Variants in ERAP1 observed in about 807,000 individuals in gnomAD.
The protein encoded by ERAP1 is endoplasmic reticulum aminopeptidase 1, also known as adipocyte-derived leucine aminopeptidase.
ERAP1 carries 86 observed loss-of-function variants against 103.7 expected under a neutral mutation model. The ratio of observed to expected loss-of-function variants is 0.83; its 90% CI spans 0.70 to 0.99. ERAP1 has a LOEUF of 0.99. Ranked by LOEUF, ERAP1 falls within the 50% of genes least tolerant of loss-of-function variation. ERAP1 has a pLI of 0.00. For synonymous variants in ERAP1, 398 were observed against 402.4 expected, an observed-to-expected ratio of 0.99 and a Z score of 0.13; for missense variants, 1,009 against 1,128.4, an observed-to-expected ratio of 0.89 and a Z score of 1.52.
the ERAP1 span, among the ~76,000 whole-genome samples, chr5:96,878,294 T>C: frequency 6.6e-6 from 1 of 152,210 alleles, no homozygotes; most frequent in Middle Eastern, 3.4e-3. Flanking sequence ...ATATTGAAAA[T>C]AAACTGGGGA....
the ERAP1 span, among the ~76,000 whole-genome samples, chr5:96,857,161 G>A: frequency 0.049 from 7,407 of 152,248 alleles, 218 homozygotes; most frequent in South Asian, 0.11. Flanking sequence ...CAGGCTAACT[G>A]CTTCTCATCT....
chr5:96,885,283 C>G, the ERAP1 span, among the ~76,000 whole-genome samples: 1 of 152,168 alleles, frequency 6.6e-6, no homozygotes, highest in Non-Finnish European at 1.5e-5. Context: ...TACCCCAGCT[C>G]TCAGCCCCTA....
At chr5:96,874,174 GAA>G in the ERAP1 span, among the ~76,000 whole-genome samples, 24 of 91,784 alleles carry the variant, frequency 2.6e-4, no homozygotes, top group South Asian at 1.1e-3. Flanking sequence ...AAGAAAGAAA[GAA>G]AGAAAGAGAG....
the ERAP1 span, among the ~76,000 whole-genome samples, chr5:96,920,842 T>A: frequency 6.6e-6 from 1 of 152,222 alleles, no homozygotes; most frequent in Non-Finnish European, 1.5e-5. Context: ...AAAAGGATCA[T>A]GAAAGAAGTG....
intron 15 of ERAP1, among the ~76,000 whole-genome samples, chr5:96,782,837 C>T (rs1328930754): frequency 2.0e-5 from 3 of 152,098 alleles, no homozygotes; most frequent in Non-Finnish European, 4.4e-5. Context: ...TCCTAACTCC[C>T]CAGATATTTG....
the ERAP1 span, among the ~76,000 whole-genome samples, chr5:96,874,578 C>G: frequency 1.9e-3 from 288 of 152,370 alleles, 1 homozygote; most frequent in African/African-American, 6.7e-3. Context: ...CATCCCCCTT[C>G]CTGTGGTGCC....
At chr5:96,925,546 A>G in the ERAP1 span, among the ~76,000 whole-genome samples, 160 of 152,336 alleles carry the variant, frequency 1.1e-3, no homozygotes, top group African/African-American at 3.7e-3. Context: ...CACCTGTGTC[A>G]CAATCACTTG....
At chr5:96,846,735 C>T in the ERAP1 span, among the ~76,000 whole-genome samples, 35 of 151,822 alleles carry the variant, frequency 2.3e-4, no homozygotes, top group Non-Finnish European at 4.7e-4. Context: ...ATTTTCTCCA[C>T]CATCCATTCA....
chr5:96,832,268 T>C, the ERAP1 span, among the ~76,000 whole-genome samples: 1 of 152,188 alleles, frequency 6.6e-6, no homozygotes, highest in African/African-American at 2.4e-5. Context: ...AGAACTTCTG[T>C]CCCCTGAGAT....
chr5:96,902,263 C>T, the ERAP1 span: 8 of 1,572,610 alleles, frequency 5.1e-6, no homozygotes, highest in Non-Finnish European at 7.0e-6. Context: ...TATCTTTACT[C>T]TCTGTCATAG....
chr5:96,765,309 T>G, intron 19 of ERAP1: 1 of 974,732 alleles, frequency 1.0e-6, no homozygotes, highest in Non-Finnish European at 1.4e-6. Flanking sequence ...AACAAACCAA[T>G]GGAAGATAAA....
At chr5:96,858,172 C>T in the ERAP1 span, among the ~76,000 whole-genome samples, 4 of 151,254 alleles carry the variant, frequency 2.6e-5, no homozygotes, top group Non-Finnish European at 5.9e-5. Context: ...AACATTGAGT[C>T]ACTGTTGACA....
At chr5:96,932,998 T>G in the ERAP1 span, among the ~76,000 whole-genome samples, 1 of 152,102 alleles carries the variant, frequency 6.6e-6, no homozygotes, top group Non-Finnish European at 1.5e-5. Context: ...GGAAGTTCTG[T>G]GTGGGAGGAT....
At chr5:96,795,013 CAT>C (rs1454091722) in intron 5 of ERAP1, 27 bp downstream of exon 5, 2 of 1,612,860 alleles carry the variant, frequency 1.2e-6, no homozygotes, top group South Asian at 1.1e-5. Flanking sequence ...CATCAAATGT[CAT>C]GTGTAATATC....
the ERAP1 span, among the ~76,000 whole-genome samples, chr5:96,885,525 A>C: frequency 1.3e-5 from 2 of 152,254 alleles, no homozygotes; most frequent in South Asian, 4.1e-4. Flanking sequence ...TAAATTCTGT[A>C]GAATTTAGTA....
At chr5:96,765,094 C>T (rs1304071635) in intron 19 of ERAP1, 5 of 674,116 alleles carry the variant, frequency 7.4e-6, no homozygotes, top group South Asian at 7.1e-5. Flanking sequence ...CTCCCCTGCC[C>T]CAGCCCCAGA....
At chr5:96,814,423 T>G in the ERAP1 span, 1 of 425,698 alleles carries the variant, frequency 2.3e-6, no homozygotes, top group South Asian at 1.7e-5. Flanking sequence ...ATATTTCTAC[T>G]ATTATAATCT....
the ERAP1 span, among the ~76,000 whole-genome samples, chr5:96,853,665 A>G: frequency 3.3e-5 from 5 of 152,082 alleles, no homozygotes; most frequent in Non-Finnish European, 5.9e-5. Flanking sequence ...AAACTTAAAA[A>G]GGCAAAACTC....
the ERAP1 span, among the ~76,000 whole-genome samples, chr5:96,817,788 T>C: frequency 0.66 from 100,395 of 152,038 alleles, 33,645 homozygotes; most frequent in Non-Finnish European, 0.72. Context: ...AATGAATAGC[T>C]CAAGAGCTGC....
Sources: gnomAD v4.1 joint callset for allele counts (sites outside exome capture counted in the v4.1 genomes callset) on GRCh38, gnomAD v4.1.1 for gene constraint, MANE v1.5 for transcripts, NCBI Gene and HGNC (gene_info 2026-07-23, HGNC 2026-07-21) for gene names.